Variants in ZNF804B observed in about 807,000 individuals in gnomAD.
ZNF804B encodes zinc finger protein 804B, also known as zinc finger 804B.
ZNF804B carries 80 observed loss-of-function variants against 101.4 expected under a neutral mutation model. The observed-to-expected ratio is 0.79, with a 90% CI of 0.66 to 0.95. ZNF804B has a LOEUF of 0.95. Among genes scored for constraint, ZNF804B ranks in the 40% least tolerant of loss-of-function variants. The pLI is 0.00. For missense variants in ZNF804B, 1,673 were observed against 1,561.9 expected (o/e 1.07, Z -1.20); for synonymous variants, 622 against 558.8 (o/e 1.11, Z -1.59).
chr7:89,230,638 T>G (rs563872895), intron 2 of ZNF804B, among the ~76,000 whole-genome samples: 2 of 152,202 alleles, frequency 1.3e-5, no homozygotes, highest in South Asian at 4.1e-4. Context: ...TATAGTCAAC[T>G]CTTGCTCTTT....
intron 3 of ZNF804B, among the ~76,000 whole-genome samples, chr7:89,332,224 A>T (rs946198739): frequency 1.3e-5 from 2 of 151,746 alleles, no homozygotes; most frequent in South Asian, 4.1e-4. Context: ...AAGGAATGTG[A>T]TGACTCTAGA....
At chr7:88,802,506 A>G (rs1278188048) in intron 1 of ZNF804B, among the ~76,000 whole-genome samples, 1 of 151,956 alleles carries the variant, frequency 6.6e-6, no homozygotes, top group Non-Finnish European at 1.5e-5. Flanking sequence ...CAGGGAAAAG[A>G]AAAAAAACTA....
At chr7:88,949,648 A>G (rs1046996046) in intron 1 of ZNF804B, among the ~76,000 whole-genome samples, 3 of 151,938 alleles carry the variant, frequency 2.0e-5, no homozygotes, top group African/African-American at 7.2e-5. Context: ...ATTTGATACT[A>G]TTATAAATGG....
chr7:88,830,371 A>G (rs1010940400), intron 1 of ZNF804B, among the ~76,000 whole-genome samples: 2 of 152,102 alleles, frequency 1.3e-5, no homozygotes. Context: ...CCTGCTACAC[A>G]TATATAGACA....
intron 1 of ZNF804B, among the ~76,000 whole-genome samples, chr7:89,078,959 C>T (rs910400200): frequency 7.2e-5 from 11 of 152,054 alleles, no homozygotes; most frequent in South Asian, 2.1e-4. Flanking sequence ...GAAATTCTGA[C>T]GTAGTAGTTG....
intron 1 of ZNF804B, among the ~76,000 whole-genome samples, chr7:89,011,090 A>G (rs559489625): frequency 2.1e-3 from 326 of 152,344 alleles, no homozygotes; most frequent in Non-Finnish European, 3.4e-3. Context: ...ACTTACAATC[A>G]TGGCAGAAGG....
chr7:89,111,975 G>A (rs2106941), intron 1 of ZNF804B, among the ~76,000 whole-genome samples: 97,420 of 151,690 alleles, frequency 0.64, 32,216 homozygotes, highest in African/African-American at 0.8. Flanking sequence ...GTGGTGGGGC[G>A]TGCCTGTAGT....
At chr7:88,969,489 C>T (rs1793501801) in intron 1 of ZNF804B, among the ~76,000 whole-genome samples, 1 of 151,644 alleles carries the variant, frequency 6.6e-6, no homozygotes, top group South Asian at 2.1e-4. Flanking sequence ...AATTTGACAG[C>T]ATGCTTGCCA....
At chr7:88,775,065 T>C (rs1426697264) in intron 1 of ZNF804B, among the ~76,000 whole-genome samples, 1 of 152,182 alleles carries the variant, frequency 6.6e-6, no homozygotes, top group African/African-American at 2.4e-5. Context: ...TCTGTGTTAG[T>C]GGAGACTAAG....
chr7:89,021,292 G>T (rs954022914), intron 1 of ZNF804B, among the ~76,000 whole-genome samples: 1 of 152,170 alleles, frequency 6.6e-6, no homozygotes, highest in African/African-American at 2.4e-5. Context: ...CAATGCTGTG[G>T]CTTTGCAGGA....
At chr7:88,772,233 AT>A (rs1790081391) in intron 1 of ZNF804B, among the ~76,000 whole-genome samples, 1 of 152,164 alleles carries the variant, frequency 6.6e-6, no homozygotes, top group African/African-American at 2.4e-5. Context: ...ACCACTGATG[AT>A]TTGCTTTCCT....
intron 1 of ZNF804B, among the ~76,000 whole-genome samples, chr7:88,783,594 G>T (rs1790259688): frequency 6.6e-6 from 1 of 152,148 alleles, no homozygotes; most frequent in Admixed American, 6.6e-5. Context: ...AAATAGGTTT[G>T]TTATACTACT....
intron 1 of ZNF804B, among the ~76,000 whole-genome samples, chr7:89,010,803 T>A (rs1477564542): frequency 6.6e-6 from 1 of 152,162 alleles, no homozygotes; most frequent in Non-Finnish European, 1.5e-5. Context: ...TGTGGAAAAG[T>A]CAGATAAAAT....
intron 1 of ZNF804B, among the ~76,000 whole-genome samples, chr7:88,925,254 C>T (rs911090634): frequency 6.6e-6 from 1 of 152,146 alleles, no homozygotes; most frequent in Non-Finnish European, 1.5e-5. Context: ...TTACACACTC[C>T]AATCTCAGGC....
Position 89,334,111 on chromosome 7 carries a change from G to A in ZNF804B, c.1129G>A (p.Asp377Asn). 6.2e-7 allele frequency: 1 copy of A among 1,613,708 alleles called. No individual in the cohort carries two copies. The highest frequency in any genetic ancestry group is 8.5e-7 in the Non-Finnish European group (1 of 1,179,836). Residue 377 changes from aspartate to asparagine, a missense_variant, in exon 4 of 4, where the codon GAT (aspartate) becomes AAT (asparagine). Coordinates refer to ENST00000333190, the MANE Select transcript of ZNF804B (RefSeq NM_181646.5). Reference protein sequence around the residue: ...FSPPNIYNHSDARISECLDEF... With the variant: ...FSPPNIYNHSNARISECLDEF... The stretch of plus-strand genomic sequence containing the variant: ...CCCACCAAACATTTACAACCATAGT[G>A]ATGCCAGGATATCTGAATGCCTGGA...
At chr7:89,034,491 A>T (rs866937945) in intron 1 of ZNF804B, among the ~76,000 whole-genome samples, 2 of 152,072 alleles carry the variant, frequency 1.3e-5, no homozygotes, top group Middle Eastern at 3.2e-3. Flanking sequence ...ATGAGTGAGA[A>T]CATGCGGTGT....
At chr7:88,982,272 C>G (rs748623596) in intron 1 of ZNF804B, among the ~76,000 whole-genome samples, 1 of 151,996 alleles carries the variant, frequency 6.6e-6, no homozygotes, top group African/African-American at 2.4e-5. Flanking sequence ...TTCTCTTGGT[C>G]AACACTTTAA....
intron 1 of ZNF804B, among the ~76,000 whole-genome samples, chr7:88,978,601 T>C (rs893754360): frequency 2.0e-5 from 3 of 151,846 alleles, no homozygotes; most frequent in Admixed American, 6.6e-5. Context: ...TGTGTCTTTC[T>C]AGGTGAAGTG....
intron 1 of ZNF804B, among the ~76,000 whole-genome samples, chr7:88,930,119 A>C (rs1362032398): frequency 6.6e-6 from 1 of 151,902 alleles, no homozygotes; most frequent in Non-Finnish European, 1.5e-5. Context: ...TTCAGAATGC[A>C]CTAGGAGGTG....
Sources: gnomAD v4.1 joint callset for allele counts (sites outside exome capture counted in the v4.1 genomes callset) on GRCh38, gnomAD v4.1.1 for gene constraint, MANE v1.5 for transcripts, NCBI Gene and HGNC (gene_info 2026-07-23, HGNC 2026-07-21) for gene names.